Variants in ANK2 observed in about 807,000 individuals in gnomAD.
ANK2 encodes the protein ankyrin 2.
In ANK2, 83 loss-of-function variants were observed where a neutral mutation model predicts 360.5. The observed-to-expected ratio is 0.23, with a 90% CI of 0.19 to 0.28. The LOEUF (loss-of-function observed/expected upper bound fraction) is 0.28. ANK2 is among the 10% of genes least tolerant of loss of function. The pLI, the probability that ANK2 is intolerant of heterozygous loss-of-function variation, is 1.00. For synonymous variants in ANK2, 1,740 were observed against 1,759.5 expected (o/e 0.99, Z 0.28); for missense variants, 4,201 against 4,795.7 (o/e 0.88, Z 3.66).
the ANK2 span, among the ~76,000 whole-genome samples, chr4:112,780,212 A>C: frequency 0.017 from 2,646 of 151,516 alleles, 87 homozygotes; most frequent in African/African-American, 0.058. Flanking sequence ...GAAGTCAGTG[A>C]AAACTCTGCA....
At chr4:112,935,862 A>G (rs1049234566) in intron 2 of ANK2, among the ~76,000 whole-genome samples, 2 of 152,164 alleles carry the variant, frequency 1.3e-5, no homozygotes, top group Non-Finnish European at 2.9e-5. Flanking sequence ...AAACAAACAA[A>G]CAAACAAACA....
chr4:113,092,903 A>G (rs10016484), intron 1 of ANK2, among the ~76,000 whole-genome samples: 101,219 of 151,968 alleles, frequency 0.67, 33,817 homozygotes, highest in South Asian at 0.72. Context: ...ACACAGATAT[A>G]TAAATATGCT....
chr4:113,008,290 A>G (rs1040017315), intron 2 of ANK2, among the ~76,000 whole-genome samples: 45 of 152,104 alleles, frequency 3.0e-4, no homozygotes, highest in African/African-American at 1.0e-3. Flanking sequence ...TGTACATAAG[A>G]CTTGCATTTG....
intron 22 of ANK2, among the ~76,000 whole-genome samples, chr4:113,296,503 C>T (rs914151035): frequency 6.6e-6 from 1 of 152,146 alleles, no homozygotes; most frequent in Non-Finnish European, 1.5e-5. Flanking sequence ...GTTTCCTTTC[C>T]TATTCTTTCT....
At chr4:112,759,166 C>G in the ANK2 span, among the ~76,000 whole-genome samples, 1 of 152,028 alleles carries the variant, frequency 6.6e-6, no homozygotes, top group African/African-American at 2.4e-5. Context: ...GACAGGGTCT[C>G]GCTCTGTCAC....
rs775864477 is a variant in ANK2, at chr4:113,278,588, ATAGGGTG to A, written c.1881+33_1881+39del. 2.5e-6 allele frequency: 4 copies of A among 1,591,708 alleles called. No individual in the cohort carries two copies. In the African/African-American group the frequency reaches 4.0e-5, roughly 16 times the overall value. Reference sequence around the variant, plus strand: ...GGACCACAGAAAAGGATTTACAGGCATAGGGTGTAACTATCGCCTGAAAACACATGAG... The same window carrying A: ...GGACCACAGAAAAGGATTTACAGGCATAACTATCGCCTGAAAACACATGAG... On this transcript the variant is annotated intron_variant, in intron 17 of 45. Coordinates refer to ENST00000357077, the MANE Select transcript of ANK2 (RefSeq NM_001148.6).
At chr4:113,303,158 A>G (rs29312) in intron 23 of ANK2, among the ~76,000 whole-genome samples, 8,312 of 152,294 alleles carry the variant, frequency 0.055, 757 homozygotes, top group African/African-American at 0.19. Context: ...CACAATTGTT[A>G]TTAAAATATG....
At chr4:113,304,683 T>C (rs1236323793) in intron 23 of ANK2, among the ~76,000 whole-genome samples, 1 of 152,194 alleles carries the variant, frequency 6.6e-6, no homozygotes, top group East Asian at 1.9e-4. Flanking sequence ...ATTAATGCAG[T>C]TTATATCACT....
At chr4:113,293,701 T>C (rs2069212155) in intron 22 of ANK2, among the ~76,000 whole-genome samples, 163 bp downstream of exon 22, 1 of 152,246 alleles carries the variant, frequency 6.6e-6, no homozygotes, top group African/African-American at 2.4e-5. Context: ...CAGAAGTAAA[T>C]GGATTCACAC....
At chr4:113,251,478 T>C (rs1274237987) in intron 10 of ANK2, among the ~76,000 whole-genome samples, 30 of 131,362 alleles carry the variant, frequency 2.3e-4, no homozygotes, top group Non-Finnish European at 1.3e-4. Flanking sequence ...ACAAAATCTT[T>C]TTTTTTTTTT....
Position 113,249,866 on chromosome 4 carries a change from A to C in ANK2, c.990+4A>C. 6.2e-7 allele frequency: 1 copy of C among 1,612,298 alleles called. No individual in the cohort carries two copies. Among genetic ancestry groups the C allele is most frequent in the Non-Finnish European group, 8.5e-7 (1 of 1,178,594 alleles). ...CCCCTTGCTGGCAAGGACTAAGGTG[A>C]GTCATTATGAGTAAGATGGGGTCCT... On this transcript the variant is annotated splice_donor_region_variant and intron_variant, in intron 10 of 45. Transcript: ENST00000357077.
intron 34 of ANK2, 63 bp downstream of exon 34, chr4:113,343,205 T>A: frequency 6.4e-7 from 1 of 1,569,282 alleles, no homozygotes; most frequent in South Asian, 1.1e-5. Flanking sequence ...TTTGACTTCC[T>A]TTAGTAATAG....
intron 1 of ANK2, among the ~76,000 whole-genome samples, chr4:112,884,501 T>C (rs1313030106): frequency 2.6e-5 from 4 of 151,254 alleles, no homozygotes; most frequent in Admixed American, 2.0e-4. Context: ...CCTCCTTTAG[T>C]TTTTTTTTCA....
At chr4:113,090,825 G>A (rs371371967) in intron 1 of ANK2, among the ~76,000 whole-genome samples, 13 of 152,188 alleles carry the variant, frequency 8.5e-5, no homozygotes, top group African/African-American at 2.4e-4. Context: ...CGTTAGACGA[G>A]GCACATGCAA....
intron 2 of ANK2, among the ~76,000 whole-genome samples, chr4:112,937,245 A>G (rs1230701177): frequency 6.6e-6 from 1 of 152,108 alleles, no homozygotes; most frequent in Non-Finnish European, 1.5e-5. Flanking sequence ...TACCTTTTGG[A>G]TGGCAGGCTC....
At chr4:112,872,845 TTTTC>T (rs1180672647) in intron 1 of ANK2, among the ~76,000 whole-genome samples, 3 of 152,200 alleles carry the variant, frequency 2.0e-5, no homozygotes, top group African/African-American at 7.2e-5. Context: ...GGTCATGGGC[TTTTC>T]TTTCTGTGAA....
intron 4 of ANK2, among the ~76,000 whole-genome samples, chr4:113,222,158 A>G (rs2099158878): frequency 6.6e-6 from 1 of 152,174 alleles, no homozygotes. Context: ...AAGTGCTTAG[A>G]CTTCTCTCTT....
At chr4:112,781,442 A>T in the ANK2 span, among the ~76,000 whole-genome samples, 1 of 152,082 alleles carries the variant, frequency 6.6e-6, no homozygotes, top group Non-Finnish European at 1.5e-5. Flanking sequence ...TTCCATTTCC[A>T]CTGTCAATGG....
At chr4:113,171,052 T>C (rs1384213139) in intron 1 of ANK2, among the ~76,000 whole-genome samples, 4 of 152,224 alleles carry the variant, frequency 2.6e-5, no homozygotes, top group Admixed American at 6.6e-5. Context: ...GAAGTTGCTT[T>C]TGCCTCATTT....
Sources: gnomAD v4.1 joint callset for allele counts (sites outside exome capture counted in the v4.1 genomes callset) on GRCh38, gnomAD v4.1.1 for gene constraint, MANE v1.5 for transcripts, NCBI Gene and HGNC (gene_info 2026-07-23, HGNC 2026-07-21) for gene names.